DALRD3: variants seen among roughly 807,000 people sequenced by gnomAD.
The protein encoded by DALRD3 is DALR anticodon binding domain containing 3.
Under a neutral mutation model 56.7 loss-of-function variants are expected in DALRD3, and 47 were observed. That is an observed-to-expected ratio of 0.83 (90% CI 0.66 to 1.06). The LOEUF is 1.06. Among genes scored for constraint, DALRD3 ranks in the 50% least tolerant of loss-of-function variants. The pLI, the probability that DALRD3 is intolerant of heterozygous loss-of-function variation, is 0.00. For synonymous variants in DALRD3, 347 were observed against 308.5 expected (o/e 1.12, Z -1.31); for missense variants, 787 against 724.0 (o/e 1.09, Z -1.00).
At chr3:49,016,117 G>T in intron 9 of DALRD3, 31 bp from the exon 10 acceptor site, 3 of 1,610,046 alleles carry the variant, frequency 1.9e-6, no homozygotes, top group Non-Finnish European at 2.5e-6. Context: ...GGGAGGGGAA[G>T]TCCAGGCCTC....
rs1214862896 is a variant in DALRD3 at position 49,018,391 on chromosome 3, C to T, written c.165+9G>A. 5.8e-6 allele frequency: 9 copies of T among 1,556,760 alleles called. No homozygotes were observed. The highest frequency in any genetic ancestry group is 4.1e-5 in the African/African-American group (3 of 73,080). ...CCCGGCCGCACGGCCCCGCCCGGCT[C>T]ACGCCCACCTGGCCGTCATCGAAGC... On this transcript the variant is annotated intron_variant, in intron 1 of 11. Coordinates refer to ENST00000341949, the MANE Select transcript of DALRD3 (RefSeq NM_001009996.3).
chr3:49,016,102 G>C lies in DALRD3; in HGVS notation c.1330-16C>G, dbSNP rs201156640. ...ACCACTCACCCTGTTGGGGAGAAAG[G>C]TGCTGGGAGGGGAAGTCCAGGCCTC... is the stretch of plus-strand genomic sequence containing the variant. On this transcript the variant is annotated splice_polypyrimidine_tract_variant and intron_variant, in intron 9 of 11. Coordinates refer to ENST00000341949, the MANE Select transcript of DALRD3 (RefSeq NM_001009996.3). 6.2e-7 allele frequency: 1 copy of C among 1,607,946 alleles called. No homozygotes were observed. The highest frequency in any genetic ancestry group is 1.7e-5 in the Admixed American group (1 of 59,852).
chr3:49,016,753 G>A (rs771733344), intron 6 of DALRD3, 21 bp downstream of exon 6: 2 of 1,614,104 alleles, frequency 1.2e-6, no homozygotes, highest in Non-Finnish European at 1.7e-6. Flanking sequence ...TTAGGTTGGT[G>A]TTCCTCCCAG....
At position 49,018,090 on chromosome 3, in the gene DALRD3, GTGCGCAGGGGGAGC is replaced by G; in HGVS notation, c.380_393del (p.Ser127ThrfsTer66). The G allele has an allele frequency of 1.3e-6, 2 of 1,488,436 alleles. No homozygotes were observed. The highest frequency in any genetic ancestry group is 1.8e-6 in the Non-Finnish European group (2 of 1,128,226). 92.2% of individuals were successfully genotyped at this position (1,488,436 alleles called of 1,614,324 possible). Reference sequence around the variant, plus strand: ...ACCGTACGCAGCTGGCTCAAGCGGAGTGCGCAGGGGGAGCTGCGCAGTGCTGGGCAGTGTAGTAA... The same window carrying G: ...ACCGTACGCAGCTGGCTCAAGCGGAGTGCGCAGTGCTGGGCAGTGTAGTAA... On this transcript the variant is annotated frameshift_variant, in exon 2 of 12. Coordinates refer to ENST00000341949, the MANE Select transcript of DALRD3 (RefSeq NM_001009996.3). LOFTEE classifies it high-confidence loss of function.
intron 2 of DALRD3, 28 bp downstream of exon 2, chr3:49,017,995 T>A: frequency 6.8e-7 from 1 of 1,477,290 alleles, no homozygotes; most frequent in Non-Finnish European, 8.9e-7. Flanking sequence ...TCCCACTTTC[T>A]CCATTCCGGC....
In DALRD3 at chr3:49,016,526, G is replaced by A; in HGVS notation, c.1064-15C>T. The A allele has an allele frequency of 1.2e-6, 2 of 1,611,738 alleles. No homozygotes were observed. Among genetic ancestry groups the A allele is most frequent in the Non-Finnish European group, 1.7e-6 (2 of 1,179,014 alleles). On this transcript the variant is annotated splice_polypyrimidine_tract_variant and intron_variant, in intron 7 of 11. Transcript: ENST00000341949. ...CCAGGCTGGGTCTGAGGGAGTATAG[G>A]GTTGGTCAGTCAGTCTGCAGGCAAG...
upstream of DALRD3, chr3:49,020,470 T>C (rs1002163618): frequency 7.8e-6 from 3 of 384,966 alleles, no homozygotes; most frequent in Non-Finnish European, 1.6e-5. Context: ...TCCCCAGGGT[T>C]CCAGAGATGG....
At chr3:49,017,093 C>T in intron 5 of DALRD3, 135 bp downstream of exon 5, 1 of 1,253,934 alleles carries the variant, frequency 8.0e-7, no homozygotes, top group South Asian at 1.4e-5. Flanking sequence ...GCTGTACATG[C>T]CCTCTCAAGT....
intron 5 of DALRD3, 51 bp downstream of exon 5, chr3:49,017,177 C>A (rs1360321615): frequency 1.2e-6 from 2 of 1,613,138 alleles, no homozygotes; most frequent in South Asian, 2.2e-5. Context: ...CAAGGGCCCT[C>A]TGAGGTTGGG....
At chr3:49,015,766 C>T (rs752817985) in intron 11 of DALRD3, 38 bp downstream of exon 11, 21 of 1,614,122 alleles carry the variant, frequency 1.3e-5, no homozygotes, top group Middle Eastern at 3.3e-4. Flanking sequence ...TACCCTATAC[C>T]TCTCTGCACG....
intron 11 of DALRD3, 42 bp downstream of exon 11, chr3:49,015,762 A>ATACC: frequency 5.0e-6 from 8 of 1,614,018 alleles, no homozygotes; most frequent in Non-Finnish European, 6.8e-6. Flanking sequence ...CCTTTACCCT[A>ATACC]TACCTCTCTG....
At chr3:49,017,380 T>C in intron 4 of DALRD3, 24 bp from the exon 5 acceptor site, 1 of 1,614,184 alleles carries the variant, frequency 6.2e-7, no homozygotes, top group Non-Finnish European at 8.5e-7. Flanking sequence ...ATCATAACTG[T>C]GGAAGTACAG....
chr3:49,017,909 T>C, intron 2 of DALRD3, 40 bp from the exon 3 acceptor site: 9 of 1,568,520 alleles, frequency 5.7e-6, no homozygotes, highest in Non-Finnish European at 7.7e-6. Flanking sequence ...GAGCACCTGG[T>C]CCAGCTCGCC....
chr3:49,018,980 A>C, upstream of DALRD3: 1 of 985,488 alleles, frequency 1.0e-6, no homozygotes, highest in African/African-American at 1.7e-5. Flanking sequence ...CATTAAGGCC[A>C]CTTTCACGAC....
At position 49,017,215 on chromosome 3, in the gene DALRD3, A is replaced by G; in HGVS notation, c.927+13T>C. 6.2e-7 allele frequency: 1 copy of G among 1,614,130 alleles called. No individual in the cohort carries two copies. Among genetic ancestry groups the G allele is most frequent in the Non-Finnish European group, 8.5e-7 (1 of 1,180,020 alleles). ...TTAGGTGGTGGGGAGCTCCACCATC[A>G]TTATTAACCTACCTGTCTGAGTGGA... On this transcript the variant is annotated intron_variant, in intron 5 of 11. Transcript: ENST00000341949.
Position 49,017,467 on chromosome 3 carries a change from T to C in DALRD3, c.765A>G (p.Leu255=). The change falls in exon 4 of 12, where the codon CTA becomes CTG. Residue 255 remains leucine, a synonymous_variant. Transcript: ENST00000341949. The part of the protein sequence containing the change: ...LSVLAELQEA[L]WHWPEDSHPG... ...GGTGGCTGTCCTCGGGCCAATGCCATAGAGCCTCTTGCAGCTCAGCCAGCA... is the reference window on the plus strand; with the variant it reads ...GGTGGCTGTCCTCGGGCCAATGCCACAGAGCCTCTTGCAGCTCAGCCAGCA... The C allele has an allele frequency of 6.8e-6, 11 of 1,614,104 alleles. 1 individual carries two copies. The highest frequency in any genetic ancestry group is 4.5e-5 in the East Asian group (2 of 44,876).
intron 5 of DALRD3, 154 bp from the exon 6 acceptor site, chr3:49,017,001 G>T (rs1468929923): frequency 5.0e-6 from 5 of 991,038 alleles, no homozygotes; most frequent in Middle Eastern, 3.1e-4. Flanking sequence ...CTCAGGCTAC[G>T]CATGGTTCAT....
rs2093067261 is a variant in DALRD3, at chr3:49,016,230, A to G, written c.1257T>C (p.Cys419=). ...TGGGGTACAGACCTTGTTCCATACTACACTTGTAACTCTCAAAGAGTGTGG... is the reference window on the plus strand; with the variant it reads ...TGGGGTACAGACCTTGTTCCATACTGCACTTGTAACTCTCAAAGAGTGTGG... ...RLATLFESYK[C]SMEQGLYPTF... The change falls in exon 9 of 12, where the codon TGT becomes TGC. Residue 419 remains cysteine (C), a synonymous_variant. Coordinates refer to ENST00000341949, the MANE Select transcript of DALRD3 (RefSeq NM_001009996.3). 6.2e-7 allele frequency: 1 copy of G among 1,614,054 alleles called. No homozygotes were observed. Among genetic ancestry groups the G allele is most frequent in the Admixed American group, 1.7e-5 (1 of 60,006 alleles).
upstream of DALRD3, chr3:49,018,689 A>G: frequency 1.4e-6 from 2 of 1,414,102 alleles, no homozygotes; most frequent in Non-Finnish European, 1.8e-6. Flanking sequence ...CGCCAGTGGT[A>G]GCCCTGTCGG....
Sources: gnomAD v4.1 joint callset for allele counts on GRCh38, gnomAD v4.1.1 for gene constraint, MANE v1.5 for transcripts, NCBI Gene and HGNC (gene_info 2026-07-23, HGNC 2026-07-21) for gene names.